Variants in RP1 observed in about 807,000 individuals in gnomAD.
RP1 encodes oxygen-regulated protein 1.
A neutral mutation model predicts 14.8 loss-of-function variants in RP1; 16 were observed. That is an observed-to-expected ratio of 1.08 (90% CI 0.73 to 1.65). The LOEUF (loss-of-function observed/expected upper bound fraction) is 1.65, where lower values mean the gene tolerates loss of function less well. RP1 is among the 40% of genes most tolerant of loss of function. The pLI, the probability that RP1 is intolerant of heterozygous loss-of-function variation, is 0.00. For synonymous variants in RP1, 876 were observed against 883.6 expected (o/e 0.99, Z 0.15); for missense variants, 2,631 against 2,535.0 (o/e 1.04, Z -0.81).
chr8:54,632,453 T>C (rs1002065131), downstream of RP1, among the ~76,000 whole-genome samples: 2 of 152,230 alleles, frequency 1.3e-5, no homozygotes, highest in African/African-American at 4.8e-5. Flanking sequence ...AGTGAACGTG[T>C]TCACATGCAT....
rs776604527 is a variant in RP1, at chr8:54,629,755, A to G, written c.5873A>G (p.Tyr1958Cys). Residue 1958 changes from tyrosine (Y) to cysteine (C), a missense_variant, in exon 4 of 4, where the codon TAT becomes TGT. By Grantham distance (194) the Tyr-to-Cys change is radical. Coordinates refer to ENST00000220676, the MANE Select transcript of RP1 (RefSeq NM_006269.2). Reference sequence around the variant, plus strand: ...TATTTATGGATGAAAATACACCCATATTTACTTCAGACAGACAAAAATGTG... The same window carrying G: ...TATTTATGGATGAAAATACACCCATGTTTACTTCAGACAGACAAAAATGTG... ...GFYLWMKIHP[Y>C]LLQTDKNVFR... 11 of 1,610,524 alleles carry G rather than the reference A, an allele frequency of 6.8e-6. No individual in the cohort carries two copies. The highest frequency in any genetic ancestry group is 9.3e-6 in the Non-Finnish European group (11 of 1,178,242).
chr8:54,689,426 G>A (rs939304131), intron 12 of RP1, among the ~76,000 whole-genome samples: 11 of 152,038 alleles, frequency 7.2e-5, no homozygotes, highest in African/African-American at 2.7e-4. Flanking sequence ...CAATTTAAAG[G>A]GATTAGCATT....
intron 1 of RP1, among the ~76,000 whole-genome samples, chr8:54,572,473 C>T (rs935216119): frequency 6.6e-6 from 1 of 152,240 alleles, no homozygotes; most frequent in African/African-American, 2.4e-5. Context: ...GTCTGGATAG[C>T]AACATACTCT....
chr8:54,758,592 G>T (rs1449156077), intron 21 of RP1, among the ~76,000 whole-genome samples: 1 of 152,172 alleles, frequency 6.6e-6, no homozygotes, highest in Non-Finnish European at 1.5e-5. Flanking sequence ...TCAACCTGAT[G>T]CCCTAATGAG....
chr8:54,568,690 A>G (rs1804459620), intron 1 of RP1, among the ~76,000 whole-genome samples: 1 of 152,344 alleles, frequency 6.6e-6, no homozygotes, highest in Middle Eastern at 3.4e-3. Flanking sequence ...ACATGCTTTC[A>G]AGTTCCCTAG....
chr8:54,718,726 G>T lies in RP1; in HGVS notation c.2212-1403G>T, dbSNP rs1563356766. On this transcript the variant is annotated intron_variant, in intron 15 of 22. Transcript: ENST00000636932. ...GAGGAAACTTAAATGCATATTGCAA[G>T]AAGCCAGTATGATAAGATTACATAT... Among the ~76,000 whole-genome samples the T allele has an allele frequency of 1.3e-5, 2 of 152,154 alleles. 1 individual carries two copies. The highest frequency in any genetic ancestry group is 1.3e-4 in the Admixed American group (2 of 15,272).
chr8:54,687,892 C>A (rs1024548245), intron 12 of RP1, among the ~76,000 whole-genome samples: 1 of 152,186 alleles, frequency 6.6e-6, no homozygotes, highest in Non-Finnish European at 1.5e-5. Flanking sequence ...GCCACACTGT[C>A]TTCCACAATG....
At chr8:54,649,022 G>A in exon 4 of RP1, 1 of 1,525,108 alleles carries the variant, frequency 6.6e-7, no homozygotes. Flanking sequence ...CCAGTGACTT[G>A]CCAGATGCAG....
At chr8:54,690,951 A>T (rs1807696216) in intron 12 of RP1, among the ~76,000 whole-genome samples, 1 of 152,070 alleles carries the variant, frequency 6.6e-6, no homozygotes, top group African/African-American at 2.4e-5. Flanking sequence ...CAAAGCTGTC[A>T]ACTGCATTTG....
chr8:54,726,396 A>G (rs1358866288), exon 17 of RP1: 6 of 1,534,252 alleles, frequency 3.9e-6, no homozygotes, highest in Non-Finnish European at 5.2e-6. Flanking sequence ...CAAGAAGAAG[A>G]AAAGATCCAT....
intron 24 of RP1, among the ~76,000 whole-genome samples, chr8:54,811,652 C>G (rs1030081709): frequency 2.0e-5 from 3 of 152,132 alleles, no homozygotes; most frequent in Non-Finnish European, 4.4e-5. Context: ...AGTGTGAGTT[C>G]AAATTACATA....
intron 19 of RP1, among the ~76,000 whole-genome samples, chr8:54,741,723 A>G (rs1396210133): frequency 3.9e-5 from 5 of 128,888 alleles, no homozygotes; most frequent in Admixed American, 1.6e-4. Context: ...ATATATATAT[A>G]TATATATATA....
intron 12 of RP1, among the ~76,000 whole-genome samples, chr8:54,695,849 C>G (rs1159628234): frequency 1.3e-5 from 2 of 152,066 alleles, no homozygotes. Flanking sequence ...AAGTGCTTGT[C>G]AACATGGTTT....
At chr8:54,844,973 G>C (rs891213640) in intron 25 of RP1, among the ~76,000 whole-genome samples, 4 of 152,118 alleles carry the variant, frequency 2.6e-5, no homozygotes, top group African/African-American at 9.7e-5. Flanking sequence ...CACCATACTA[G>C]GTCCCCACCT....
chr8:54,862,366 A>G (rs1245585490), intron 27 of RP1, among the ~76,000 whole-genome samples: 1 of 152,188 alleles, frequency 6.6e-6, no homozygotes, highest in African/African-American at 2.4e-5. Flanking sequence ...GTTGGTATAA[A>G]ATAGTATTCT....
chr8:54,592,531 C>T (rs1444660642), intron 1 of RP1, among the ~76,000 whole-genome samples: 1 of 152,134 alleles, frequency 6.6e-6, no homozygotes, highest in Non-Finnish European at 1.5e-5. Flanking sequence ...ATTCTTTAGC[C>T]CTCTTGAAGA....
At chr8:54,654,795 G>A (rs1585583392) in intron 5 of RP1, among the ~76,000 whole-genome samples, 1 of 152,074 alleles carries the variant, frequency 6.6e-6, no homozygotes, top group South Asian at 2.1e-4. Context: ...CTATAGGCAT[G>A]CACCACCACA....
intron 24 of RP1, among the ~76,000 whole-genome samples, chr8:54,794,640 C>CA (rs1563378542): frequency 6.6e-6 from 1 of 151,880 alleles, no homozygotes; most frequent in Non-Finnish European, 1.5e-5. Context: ...AAACCATAGG[C>CA]AAAACCCACT....
intron 19 of RP1, among the ~76,000 whole-genome samples, chr8:54,752,165 A>C (rs573307269): frequency 4.3e-4 from 65 of 152,260 alleles, no homozygotes; most frequent in Admixed American, 8.5e-4. Context: ...GAAATAAACA[A>C]GAGTTAAATT....
Sources: gnomAD v4.1 joint callset for allele counts (sites outside exome capture counted in the v4.1 genomes callset) on GRCh38, gnomAD v4.1.1 for gene constraint, MANE v1.5 for transcripts, NCBI Gene and HGNC (gene_info 2026-07-23, HGNC 2026-07-21) for gene names.